The following LYPLAL1 variants were observed in gnomAD, a reference collection of about 807,000 sequenced individuals.
The protein encoded by LYPLAL1 is lysophospholipase-like protein 1.
A neutral mutation model predicts 19.7 loss-of-function variants in LYPLAL1; 23 were observed. That is an observed-to-expected ratio of 1.17 (90% CI 0.84 to 1.65). The LOEUF (loss-of-function observed/expected upper bound fraction) is 1.65. Among genes scored for constraint, LYPLAL1 ranks in the 40% most tolerant of loss-of-function variants. The pLI is 0.00. For synonymous variants in LYPLAL1, 119 were observed against 96.3 expected (o/e 1.24, Z -1.38); for missense variants, 355 against 279.4 (o/e 1.27, Z -1.93).
the LYPLAL1 span, among the ~76,000 whole-genome samples, chr1:219,264,535 A>T: frequency 6.6e-6 from 1 of 152,220 alleles, no homozygotes; most frequent in Admixed American, 6.5e-5. Context: ...TATGCCTATG[A>T]ATCTAGGCTG....
chr1:219,420,309 G>A, the LYPLAL1 span, among the ~76,000 whole-genome samples: 1 of 152,250 alleles, frequency 6.6e-6, no homozygotes, highest in Non-Finnish European at 1.5e-5. Flanking sequence ...AAAGGTTTGA[G>A]GGGATACTGC....
the LYPLAL1 span, among the ~76,000 whole-genome samples, chr1:219,354,836 A>C: frequency 2.0e-5 from 3 of 152,208 alleles, no homozygotes; most frequent in Non-Finnish European, 2.9e-5. Flanking sequence ...AGAGTACTAC[A>C]TAGAGTAAGT....
At chr1:219,426,616 T>C in the LYPLAL1 span, among the ~76,000 whole-genome samples, 1 of 152,134 alleles carries the variant, frequency 6.6e-6, no homozygotes, top group African/African-American at 2.4e-5. Flanking sequence ...TTTTTTTTCT[T>C]GAGACAGAGT....
intron 1 of LYPLAL1, among the ~76,000 whole-genome samples, chr1:219,177,422 C>G (rs1158985820): frequency 1.3e-5 from 2 of 152,148 alleles, no homozygotes; most frequent in African/African-American, 4.8e-5. Flanking sequence ...CTTAAGGACC[C>G]TAGGCTGGAT....
At chr1:219,194,169 A>G (rs1159402215) in intron 3 of LYPLAL1, among the ~76,000 whole-genome samples, 1 of 151,906 alleles carries the variant, frequency 6.6e-6, no homozygotes, top group Non-Finnish European at 1.5e-5. Flanking sequence ...CTCTAGCATA[A>G]CAACATCACC....
the LYPLAL1 span, among the ~76,000 whole-genome samples, chr1:219,295,690 T>C: frequency 6.6e-6 from 1 of 152,204 alleles, no homozygotes; most frequent in Non-Finnish European, 1.5e-5. Context: ...TACTAGTTTA[T>C]TTGCCATTGT....
chr1:219,332,974 T>G, the LYPLAL1 span, among the ~76,000 whole-genome samples: 1 of 151,978 alleles, frequency 6.6e-6, no homozygotes. Context: ...GGCTGTAAAC[T>G]AAGAGCTGTT....
At chr1:219,209,778 A>G (rs1658850563) in intron 3 of LYPLAL1, among the ~76,000 whole-genome samples, 1 of 152,084 alleles carries the variant, frequency 6.6e-6, no homozygotes, top group African/African-American at 2.4e-5. Flanking sequence ...TCACCTCATA[A>G]CAGCTATCTC....
At chr1:219,363,618 G>T in the LYPLAL1 span, among the ~76,000 whole-genome samples, 1 of 152,052 alleles carries the variant, frequency 6.6e-6, no homozygotes, top group Non-Finnish European at 1.5e-5. Context: ...CTTAAAGTAG[G>T]TAAAACTTAT....
the LYPLAL1 span, among the ~76,000 whole-genome samples, chr1:219,256,187 A>G: frequency 2.4e-4 from 36 of 152,028 alleles, no homozygotes; most frequent in African/African-American, 8.4e-4. Context: ...GCTTAGAGTT[A>G]TCTTTTTGCG....
At chr1:219,299,241 A>G in the LYPLAL1 span, among the ~76,000 whole-genome samples, 1 of 151,508 alleles carries the variant, frequency 6.6e-6, no homozygotes, top group Non-Finnish European at 1.5e-5. Context: ...TTATAAAAGG[A>G]TAAAGTGTTT....
At chr1:219,193,021 C>T (rs1657302570) in intron 2 of LYPLAL1, 61 bp from the exon 3 acceptor site, 1 of 1,440,022 alleles carries the variant, frequency 6.9e-7, no homozygotes, top group Non-Finnish European at 9.3e-7. Context: ...GTAATTAAAG[C>T]ATCCATTTTC....
the LYPLAL1 span, among the ~76,000 whole-genome samples, chr1:219,248,938 AAT>A: frequency 8.5e-5 from 13 of 152,194 alleles, no homozygotes; most frequent in Admixed American, 1.3e-4. Flanking sequence ...AACACACAGA[AAT>A]ATGTATATGT....
chr1:219,317,972 G>A, the LYPLAL1 span, among the ~76,000 whole-genome samples: 1 of 152,158 alleles, frequency 6.6e-6, no homozygotes. Context: ...AGAAGCAAAA[G>A]CAATAGCAGA....
At chr1:219,359,667 GA>G in the LYPLAL1 span, among the ~76,000 whole-genome samples, 18 of 152,008 alleles carry the variant, frequency 1.2e-4, no homozygotes, top group Non-Finnish European at 2.6e-4. Context: ...CTTATGCAGA[GA>G]AAAAAATCTA....
chr1:219,306,841 T>C, the LYPLAL1 span, among the ~76,000 whole-genome samples: 188 of 80,644 alleles, frequency 2.3e-3, no homozygotes, highest in African/African-American at 3.9e-3. Context: ...GATAGATAGA[T>C]AGATAGATAG....
chr1:219,289,073 G>GTTT, the LYPLAL1 span, among the ~76,000 whole-genome samples: 78 of 77,664 alleles, frequency 1.0e-3, 1 homozygote, highest in East Asian at 7.8e-3. Flanking sequence ...GTTACCTCTT[G>GTTT]TTTTGTTTTT....
the LYPLAL1 span, among the ~76,000 whole-genome samples, chr1:219,316,792 G>A: frequency 0.42 from 63,063 of 151,896 alleles, 13,725 homozygotes; most frequent in Non-Finnish European, 0.48. Flanking sequence ...TAAGCCAGTC[G>A]CAAAAAGGCA....
chr1:219,215,391 C>G (rs1417160380), downstream of LYPLAL1, among the ~76,000 whole-genome samples: 3 of 151,976 alleles, frequency 2.0e-5, no homozygotes, highest in Non-Finnish European at 4.4e-5. Context: ...TTTTAGTAGT[C>G]TCTGTTGACC....
Sources: allele counts gnomAD v4.1 joint callset (sites outside exome capture counted in the v4.1 genomes callset), GRCh38; gene constraint gnomAD v4.1.1; transcripts MANE v1.5; gene names NCBI Gene and HGNC (gene_info 2026-07-23, HGNC 2026-07-21).